Variants in LRP1B observed in about 807,000 individuals in gnomAD.
LRP1B encodes low-density lipoprotein receptor-related protein 1B.
LRP1B carries 217 observed loss-of-function variants against 556.6 expected under a neutral mutation model. The ratio of observed to expected loss-of-function variants is 0.39; its 90% CI spans 0.35 to 0.44. The LOEUF (loss-of-function observed/expected upper bound fraction) is 0.44. LRP1B is among the 20% of genes least tolerant of loss of function. The pLI is 1.00. For missense variants in LRP1B, 5,053 were observed against 5,620.8 expected (o/e 0.90, Z 3.23); for synonymous variants, 2,047 against 1,865.8 (o/e 1.10, Z -2.50).
chr2:140,786,030 A>G (rs1689885445), intron 32 of LRP1B, among the ~76,000 whole-genome samples: 1 of 152,186 alleles, frequency 6.6e-6, no homozygotes, highest in African/African-American at 2.4e-5. Flanking sequence ...CCTGACTGCC[A>G]TTGCTAAGTG....
At chr2:141,005,502 GTTCT>G (rs1232493731) in intron 14 of LRP1B, 45 bp from the exon 15 acceptor site, 1 of 1,597,270 alleles carries the variant, frequency 6.3e-7, no homozygotes, top group Non-Finnish European at 8.6e-7. Context: ...TCTGATTCAC[GTTCT>G]TTCTAGGAGG....
In LRP1B at chr2:140,335,770, A is replaced by G; in HGVS notation, c.11961T>C (p.Asp3987=). The change falls in exon 78 of 91, where the codon GAT becomes GAC. Residue 3987 remains aspartate, a synonymous_variant. Transcript: ENST00000389484. ...AACTGAACCAATGCATTCTAGAATGATCAGTCCAGTAAATGTTTCCAGCCA... is the reference window on the plus strand; with the variant it reads ...AACTGAACCAATGCATTCTAGAATGGTCAGTCCAGTAAATGTTTCCAGCCA... The part of the protein sequence containing the change: ...DWVAGNIYWT[D]HSRMHWFSYY... The G allele has an allele frequency of 6.2e-7, 1 of 1,612,962 alleles. No homozygotes were observed. The highest frequency in any genetic ancestry group is 8.5e-7 in the Non-Finnish European group (1 of 1,179,320).
In LRP1B at chr2:140,851,852, A is replaced by G. The variant is rs992276530; in HGVS notation, c.4580-69T>C. On this transcript the variant is annotated intron_variant, in intron 27 of 90. Transcript: ENST00000389484. ...GTATTAGGGAAGCTCTGAGGTTGAC[A>G]GGGGTTATTCACCTAATGATTCAAA... 1.2e-5 allele frequency: 18 copies of G among 1,444,474 alleles called. No homozygotes were observed. In the African/African-American group the frequency reaches 2.4e-4, roughly 20 times the overall value. 89.5% of individuals were successfully genotyped at this position (1,444,474 alleles called of 1,614,324 possible). A position where few individuals can be genotyped will look rare whatever the true frequency, so the allele number is the denominator to read the frequency against.
intron 1 of LRP1B, among the ~76,000 whole-genome samples, chr2:141,853,579 A>G (rs1364691659): frequency 6.6e-6 from 1 of 151,906 alleles, no homozygotes; most frequent in Non-Finnish European, 1.5e-5. Flanking sequence ...CTAAATATCA[A>G]TACAAATTAT....
chr2:140,827,093 C>T (rs1227569872), intron 31 of LRP1B, among the ~76,000 whole-genome samples: 12 of 152,044 alleles, frequency 7.9e-5, no homozygotes, highest in Admixed American at 7.9e-4. Context: ...CCCAAAAAAG[C>T]CATCAATCTA....
chr2:141,130,852 G>C (rs1269828951), intron 7 of LRP1B, among the ~76,000 whole-genome samples: 2 of 152,030 alleles, frequency 1.3e-5, no homozygotes. Flanking sequence ...CCATAAAAAA[G>C]AATGAGTTCA....
At chr2:141,009,398 T>A (rs1697675026) in intron 14 of LRP1B, among the ~76,000 whole-genome samples, 1 of 151,908 alleles carries the variant, frequency 6.6e-6, no homozygotes, top group Admixed American at 6.6e-5. Flanking sequence ...TGCTTCTTAC[T>A]TTTTTTCTCT....
At chr2:140,962,452 G>A (rs1288159083) in intron 18 of LRP1B, among the ~76,000 whole-genome samples, 1 of 152,264 alleles carries the variant, frequency 6.6e-6, no homozygotes, top group Non-Finnish European at 1.5e-5. Context: ...AATAAAACAC[G>A]ATAGTGTTTT....
At chr2:141,754,821 G>T (rs1166930796) in intron 2 of LRP1B, among the ~76,000 whole-genome samples, 1 of 152,102 alleles carries the variant, frequency 6.6e-6, no homozygotes, top group Admixed American at 6.5e-5. Context: ...AATAAATTAT[G>T]AAATCATATA....
rs563412003 is a variant in LRP1B at position 141,317,030 on chromosome 2, A to G, written c.344-62389T>C. On this transcript the variant is annotated intron_variant, in intron 3 of 90. Transcript: ENST00000389484. ...AAGAGATGCCAAACTGGGAGCCTCC[A>G]AAGCTTTTCCTCTTGCACTGGGCAT... Among the ~76,000 whole-genome samples the G allele has an allele frequency of 7.2e-5, 11 of 152,342 alleles. 1 individual carries two copies. The highest frequency in any genetic ancestry group is 6.8e-3 in the Middle Eastern group (2 of 294).
At chr2:141,283,088 T>C (rs1017764158) in intron 3 of LRP1B, among the ~76,000 whole-genome samples, 2 of 152,152 alleles carry the variant, frequency 1.3e-5, no homozygotes, top group South Asian at 2.1e-4. Context: ...ATTATTCAAG[T>C]TTATACACAA....
intron 3 of LRP1B, among the ~76,000 whole-genome samples, chr2:141,465,673 C>T (rs1477410737): frequency 6.6e-6 from 1 of 151,886 alleles, no homozygotes; most frequent in Non-Finnish European, 1.5e-5. Context: ...CCTCAGCCCC[C>T]CAAGTAGCTA....
At chr2:140,649,374 T>G (rs1684595767) in intron 41 of LRP1B, among the ~76,000 whole-genome samples, 1 of 152,156 alleles carries the variant, frequency 6.6e-6, no homozygotes, top group South Asian at 2.1e-4. Context: ...TTTATCTGGA[T>G]AGTGGCAATC....
At chr2:140,272,705 A>G (rs1682516791) in intron 85 of LRP1B, among the ~76,000 whole-genome samples, 1 of 152,016 alleles carries the variant, frequency 6.6e-6, no homozygotes, top group Non-Finnish European at 1.5e-5. Flanking sequence ...TGCTAATGTG[A>G]AAAGTATCAT....
At chr2:141,102,042 A>G (rs976734089) in intron 7 of LRP1B, among the ~76,000 whole-genome samples, 8 of 152,138 alleles carry the variant, frequency 5.3e-5, no homozygotes, top group Non-Finnish European at 7.4e-5. Context: ...GTATTATACA[A>G]TTTATGGGGA....
At chr2:142,112,417 A>G (rs1476836528) in intron 1 of LRP1B, among the ~76,000 whole-genome samples, 1 of 152,066 alleles carries the variant, frequency 6.6e-6, no homozygotes, top group Non-Finnish European at 1.5e-5. Flanking sequence ...ATTATGTAGT[A>G]GTTAAAAGGA....
chr2:141,805,272 G>C (rs992749463), intron 2 of LRP1B: 9 of 152,114 alleles, frequency 5.9e-5, no homozygotes, highest in African/African-American at 2.2e-4. Flanking sequence ...ATGGGACTGA[G>C]TAAGGAAAGA....
chr2:141,441,838 C>T (rs1053700619), intron 3 of LRP1B, among the ~76,000 whole-genome samples: 5 of 152,120 alleles, frequency 3.3e-5, no homozygotes, highest in South Asian at 2.1e-4. Context: ...CTTCAGGTAA[C>T]AACAGTGTGT....
intron 84 of LRP1B, among the ~76,000 whole-genome samples, chr2:140,291,417 C>T (rs1415680204): frequency 8.7e-5 from 13 of 149,930 alleles, no homozygotes; most frequent in Admixed American, 5.4e-4. Flanking sequence ...CCCATTAACT[C>T]GTCATTTACA....
Sources: gnomAD v4.1 joint callset for allele counts (sites outside exome capture counted in the v4.1 genomes callset) on GRCh38, gnomAD v4.1.1 for gene constraint, MANE v1.5 for transcripts, NCBI Gene and HGNC (gene_info 2026-07-23, HGNC 2026-07-21) for gene names.